PRKG1: variants seen among roughly 807,000 people sequenced by gnomAD.
PRKG1 encodes protein kinase cGMP-dependent 1.
PRKG1 carries 35 observed loss-of-function variants against 88.1 expected under a neutral mutation model. The observed-to-expected ratio is 0.40, with a 90% CI of 0.30 to 0.53. The LOEUF (loss-of-function observed/expected upper bound fraction) is 0.53, where lower values mean the gene tolerates loss of function less well. PRKG1 is among the 20% of genes least tolerant of loss of function. The pLI is 0.59. For synonymous variants in PRKG1, 303 were observed against 292.5 expected, an observed-to-expected ratio of 1.04 and a Z score of -0.37; for missense variants, 540 against 839.8, an observed-to-expected ratio of 0.64 and a Z score of 4.41.
At chr10:51,731,973 T>C (rs1342313138) in intron 3 of PRKG1, among the ~76,000 whole-genome samples, 1 of 151,980 alleles carries the variant, frequency 6.6e-6, no homozygotes, top group African/African-American at 2.4e-5. Flanking sequence ...GGGGTCTTTC[T>C]CTGTGTCCAA....
At chr10:51,764,192 C>T (rs577345125) in intron 3 of PRKG1, among the ~76,000 whole-genome samples, 1 of 152,178 alleles carries the variant, frequency 6.6e-6, no homozygotes, top group Non-Finnish European at 1.5e-5. Flanking sequence ...TCCTATATCA[C>T]ATAAAACATT....
intron 3 of PRKG1, among the ~76,000 whole-genome samples, chr10:51,670,777 T>C (rs1461653974): frequency 1.4e-5 from 2 of 145,684 alleles, no homozygotes; most frequent in Non-Finnish European, 3.0e-5. Context: ...AATAAATAAA[T>C]AAATAAATAA....
intron 1 of PRKG1, among the ~76,000 whole-genome samples, chr10:51,021,655 A>G (rs894651052): frequency 1.3e-5 from 2 of 152,094 alleles, no homozygotes; most frequent in Admixed American, 6.6e-5. Context: ...TCTATCAACT[A>G]AAAATAAAAA....
At chr10:51,548,056 G>A (rs907843079) in intron 3 of PRKG1, among the ~76,000 whole-genome samples, 2 of 151,962 alleles carry the variant, frequency 1.3e-5, no homozygotes, top group African/African-American at 4.8e-5. Flanking sequence ...CTGATAACCT[G>A]CTTTGCCTAA....
At chr10:51,939,236 A>G (rs548176625) in intron 5 of PRKG1, among the ~76,000 whole-genome samples, 2 of 152,162 alleles carry the variant, frequency 1.3e-5, no homozygotes, top group South Asian at 4.1e-4. Context: ...AACTTATTTA[A>G]TGTAATATTG....
chr10:51,405,230 C>A (rs937601933), intron 2 of PRKG1, among the ~76,000 whole-genome samples: 1 of 152,310 alleles, frequency 6.6e-6, no homozygotes, highest in South Asian at 2.1e-4. Flanking sequence ...GGGATTACAT[C>A]CTGATAAACC....
intron 3 of PRKG1, chr10:51,698,338 A>T (rs766792935): frequency 1.2e-6 from 2 of 1,613,614 alleles, no homozygotes; most frequent in Non-Finnish European, 1.7e-6. Context: ...CCATAGGTAG[A>T]CCCCTTTGAT....
chr10:52,069,461 G>A (rs556369715), intron 7 of PRKG1, among the ~76,000 whole-genome samples: 179 of 152,220 alleles, frequency 1.2e-3, no homozygotes, highest in African/African-American at 4.1e-3. Flanking sequence ...AACCCAGGAG[G>A]TAGAGGTTGC....
rs748890081 is a variant in PRKG1, at chr10:51,856,966, T to TAAAAAAA, written c.699-50539_699-50533dup. Among the ~76,000 whole-genome samples, 2 of 96,778 alleles carry TAAAAAAA rather than the reference T, an allele frequency of 2.1e-5. 1 individual carries two copies. Among genetic ancestry groups the TAAAAAAA allele is most frequent in the Non-Finnish European group, 4.1e-5 (2 of 49,140 alleles). 63.5% of individuals were successfully genotyped at this position (96,778 alleles called of 152,430 possible). On this transcript the variant is annotated intron_variant, in intron 4 of 17. Coordinates refer to ENST00000373980, the MANE Select transcript of PRKG1 (RefSeq NM_006258.4). ...GCGACAGAGCGAGACTCCGTCTTAC[T>TAAAAAAA]AAAAAAAAGAAAAAAAAAAAAAGAA...
chr10:52,217,154 C>T (rs942284333), intron 9 of PRKG1, among the ~76,000 whole-genome samples: 1 of 152,116 alleles, frequency 6.6e-6, no homozygotes, highest in Non-Finnish European at 1.5e-5. Flanking sequence ...GCACCCAAGG[C>T]TCTTCTGACC....
intron 5 of PRKG1, among the ~76,000 whole-genome samples, chr10:52,054,164 A>C (rs1230905872): frequency 1.3e-5 from 2 of 152,228 alleles, no homozygotes; most frequent in Non-Finnish European, 1.5e-5. Flanking sequence ...AATGACATTA[A>C]AAGCAGTCTT....
chr10:51,785,547 A>T (rs1838706545), intron 3 of PRKG1, among the ~76,000 whole-genome samples: 1 of 152,074 alleles, frequency 6.6e-6, no homozygotes, highest in East Asian at 1.9e-4. Context: ...TATATTATTG[A>T]TTGACGTTGA....
At chr10:52,105,992 C>T (rs1164075832) in intron 7 of PRKG1, among the ~76,000 whole-genome samples, 1 of 152,216 alleles carries the variant, frequency 6.6e-6, no homozygotes, top group South Asian at 2.1e-4. Flanking sequence ...CCCACTGAGT[C>T]CCCAAAGTTC....
intron 1 of PRKG1, among the ~76,000 whole-genome samples, chr10:50,997,350 C>A (rs867610886): frequency 6.6e-6 from 1 of 152,038 alleles, no homozygotes; most frequent in Admixed American, 6.5e-5. Flanking sequence ...ATTTGAATTA[C>A]CAATATATGC....
intron 3 of PRKG1, among the ~76,000 whole-genome samples, chr10:51,775,691 T>C (rs1197731047): frequency 6.6e-6 from 1 of 151,960 alleles, no homozygotes; most frequent in African/African-American, 2.4e-5. Context: ...TTCAAGCGAT[T>C]CTCCTGCCTC....
In PRKG1 at chr10:51,308,296, A is replaced by G. The variant is rs768157297; in HGVS notation, c.478+154966A>G. 5.1e-4 allele frequency among the ~76,000 whole-genome samples: 77 copies of G among 152,146 alleles called. 1 individual carries two copies. The highest frequency in any genetic ancestry group is 8.2e-4 in the Non-Finnish European group (56 of 68,026). On this transcript the variant is annotated intron_variant, in intron 2 of 17. Coordinates refer to ENST00000373980, the MANE Select transcript of PRKG1 (RefSeq NM_006258.4). ...GTGTTGACTTTTTGCTTAGCTAGAA[A>G]CAGGTCTCTGCCTGTTTCACTATTT...
intron 2 of PRKG1, among the ~76,000 whole-genome samples, chr10:51,282,653 T>C (rs1840330470): frequency 6.6e-6 from 1 of 152,172 alleles, no homozygotes; most frequent in Non-Finnish European, 1.5e-5. Context: ...ACACTGCAAA[T>C]TTTAAAAACT....
intron 3 of PRKG1, among the ~76,000 whole-genome samples, chr10:51,685,039 T>C (rs543699141): frequency 4.4e-4 from 67 of 152,248 alleles, no homozygotes; most frequent in African/African-American, 1.4e-3. Flanking sequence ...GGGCAAAAGA[T>C]TGATTTCATA....
In PRKG1 at chr10:51,552,302, A is replaced by C. The variant is rs150138935; in HGVS notation, c.592+84466A>C. ...ATAATGTCTATTTCATTTTCTTTCT[A>C]TTTAGTATACATTTAGCAAGTATAA... On this transcript the variant is annotated intron_variant, in intron 3 of 17. Coordinates refer to ENST00000373980, the MANE Select transcript of PRKG1 (RefSeq NM_006258.4). Among the ~76,000 whole-genome samples the C allele has an allele frequency of 5.9e-3, 888 of 151,760 alleles. 8 individuals are homozygous for C. Among genetic ancestry groups the C allele is most frequent in the African/African-American group, 0.02 (851 of 41,518 alleles).
Sources: allele counts gnomAD v4.1 joint callset (sites outside exome capture counted in the v4.1 genomes callset), GRCh38; gene constraint gnomAD v4.1.1; transcripts MANE v1.5; gene names NCBI Gene and HGNC (gene_info 2026-07-23, HGNC 2026-07-21).